GREB1: variants seen among roughly 807,000 people sequenced by gnomAD.
The protein encoded by GREB1 is protein GREB1.
GREB1 carries 106 observed loss-of-function variants against 200.7 expected under a neutral mutation model. That is an observed-to-expected ratio of 0.53 (90% confidence interval 0.45 to 0.62). GREB1 has a LOEUF of 0.62. Among genes scored for constraint, GREB1 ranks in the 20% least tolerant of loss-of-function variants. The probability of loss-of-function intolerance (pLI) is 0.00; values close to 1 mark genes in which losing one functional copy is unlikely to be tolerated. For missense variants in GREB1, 2,243 were observed against 2,556.8 expected (o/e 0.88, Z 2.65); for synonymous variants, 1,132 against 1,092.4 (o/e 1.04, Z -0.72).
chr2:11,595,364 A>G lies in GREB1; in HGVS notation c.1810A>G (p.Ser604Gly), dbSNP rs1681115327. Reference protein sequence around the residue: ...GKVDSLGAFFSTLCPEGDIDI... With the variant: ...GKVDSLGAFFGTLCPEGDIDI... ...GGTAGACTCGCTGGGGGCCTTCTTT[A>G]GCACCCTCTGTCCAGGTAGGCTTGT... The change falls in exon 12 of 33, where the codon AGC becomes GGC. Residue 604 changes from serine (S) to glycine (G), a missense_variant. Physicochemically the swap from Ser to Gly is moderately conservative, Grantham distance 56 (BLOSUM62 0). Transcript: ENST00000381486. The G allele has an allele frequency of 1.2e-6, 2 of 1,613,692 alleles. No individual in the cohort carries two copies. The highest frequency in any genetic ancestry group is 4.5e-5 in the East Asian group (2 of 44,850).
At chr2:11,635,203 C>A in intron 29 of GREB1, 67 bp from the exon 30 acceptor site, 2 of 1,589,038 alleles carry the variant, frequency 1.3e-6, no homozygotes, top group Non-Finnish European at 1.7e-6. Flanking sequence ...ACTCTAGGTG[C>A]TGGGGGCAGT....
chr2:11,596,078 CA>C (rs1681180470), intron 12 of GREB1, 32 bp from the exon 13 acceptor site: 10 of 1,597,418 alleles, frequency 6.3e-6, no homozygotes, highest in Admixed American at 1.7e-5. Flanking sequence ...TCACTGACAT[CA>C]AAAACCCATT....
chr2:11,604,206 T>A (rs539288799), intron 17 of GREB1, among the ~76,000 whole-genome samples: 25 of 152,236 alleles, frequency 1.6e-4, no homozygotes, highest in Admixed American at 8.5e-4. Flanking sequence ...CATGAGCTAA[T>A]GTACGTGTGC....
intron 1 of GREB1, among the ~76,000 whole-genome samples, chr2:11,517,911 C>T (rs1314950411): frequency 6.6e-6 from 1 of 152,170 alleles, no homozygotes; most frequent in Non-Finnish European, 1.5e-5. Context: ...CCTTGGCCTC[C>T]CAAAGTGCTG....
intron 4 of GREB1, among the ~76,000 whole-genome samples, chr2:11,575,488 A>G (rs1399772304): frequency 6.6e-6 from 1 of 152,218 alleles, no homozygotes; most frequent in Admixed American, 6.5e-5. Context: ...AAGCCTGCTT[A>G]GAGTCTCACA....
In GREB1 at chr2:11,576,390, C is replaced by T. The variant is rs1678860951; in HGVS notation, c.492C>T (p.Gly164=). The T allele has an allele frequency of 6.2e-7, 1 of 1,613,842 alleles. No homozygotes were observed. Among genetic ancestry groups the T allele is most frequent in the African/African-American group, 1.3e-5 (1 of 75,026 alleles). Residue 164 remains glycine, a synonymous_variant, in exon 5 of 33, where the codon GGC becomes GGT. Transcript: ENST00000381486. ...ATTGTGTTGGCTGTGGAAAGAAAGG[C>T]TTCTGTTACTTCACGGAATTCTCCA... ...SGNCVGCGKK[G]FCYFTEFSNH...
At chr2:11,623,182 C>T (rs1031701606) in intron 23 of GREB1, among the ~76,000 whole-genome samples, 4 of 152,138 alleles carry the variant, frequency 2.6e-5, no homozygotes, top group Non-Finnish European at 2.9e-5. Context: ...TCGTAGTCAT[C>T]GGAATTTGTG....
Position 11,541,369 on chromosome 2 carries a change from G to C in GREB1, c.-162+7115G>C, listed in dbSNP as rs965664462. 3.3e-5 allele frequency among the ~76,000 whole-genome samples: 5 copies of C among 152,092 alleles called. No individual in the cohort carries two copies. In the East Asian group the frequency reaches 9.6e-4, roughly 29 times the overall value. On this transcript the variant is annotated intron_variant, in intron 1 of 32. Transcript: ENST00000381486. ...CTCTGCCATGGATCCTTCTGGAGGA[G>C]AGGGTATCACACCGCTTGAGGCTCT...
In GREB1 at chr2:11,551,166, A is replaced by C. The variant is rs190397212; in HGVS notation, c.-161-5288A>C. ...TCAAGCCCATGGTGCTTCTGGGATC[A>C]GAAGGGCCAGTGGAAGTTAGGTACT... On this transcript the variant is annotated intron_variant, in intron 1 of 32. Coordinates refer to ENST00000381486, the MANE Select transcript of GREB1 (RefSeq NM_014668.4). Among the ~76,000 whole-genome samples, 152 of 152,312 alleles carry C rather than the reference A, an allele frequency of 1.0e-3. 1 individual carries two copies. Among genetic ancestry groups the C allele is most frequent in the African/African-American group, 3.4e-3 (143 of 41,580 alleles).
chr2:11,617,084 A>G (rs1434350566), intron 21 of GREB1, among the ~76,000 whole-genome samples: 1 of 152,066 alleles, frequency 6.6e-6, no homozygotes, highest in Non-Finnish European at 1.5e-5. Context: ...CCCTGTGGGG[A>G]GAGGAGCTGA....
chr2:11,615,832 G>A (rs993379015), intron 20 of GREB1, among the ~76,000 whole-genome samples: 1 of 152,212 alleles, frequency 6.6e-6, no homozygotes, highest in Non-Finnish European at 1.5e-5. Flanking sequence ...ACAATGTGAT[G>A]AGAAAGACGT....
chr2:11,585,912 A>G lies in GREB1; in HGVS notation c.1159+7A>G. The stretch of plus-strand genomic sequence containing the variant: ...AAGCCAGTGATATTTAAAGGCAAGT[A>G]CAGCAGTGCACCGAGTCGTGGGGAT... On this transcript the variant is annotated splice_region_variant and intron_variant, in intron 9 of 32. Coordinates refer to ENST00000381486, the MANE Select transcript of GREB1 (RefSeq NM_014668.4). 6.2e-7 allele frequency: 1 copy of G among 1,612,040 alleles called. No homozygotes were observed. Among genetic ancestry groups the G allele is most frequent in the Non-Finnish European group, 8.5e-7 (1 of 1,179,784 alleles).
rs752977615 is a variant in GREB1, at chr2:11,578,363, C to T, written c.704C>T (p.Thr235Met). Residue 235 changes from threonine (T) to methionine (M), a missense_variant, in exon 6 of 33, where the codon ACG (threonine) becomes ATG (methionine). Around this residue, in one of 3 missense-constraint regions of GREB1, gnomAD observed 1,178 missense variants for 1,387.4 expected, o/e 0.85. Transcript: ENST00000381486. The part of the protein sequence containing the change: ...SSSLFPALES[T>M]AAFPSEPVPG... ...TCCCTCTTCCCAGCCCTGGAGAGCA[C>T]GGCTGCCTTCCCCAGCGAGCCCGTT... 71 of 1,613,930 alleles carry T rather than the reference C, an allele frequency of 4.4e-5. No individual in the cohort carries two copies. Among genetic ancestry groups the T allele is most frequent in the East Asian group, 1.6e-4 (7 of 44,894 alleles).
chr2:11,501,895 G>GTTTGTTT (rs1673049114), intron 1 of GREB1, among the ~76,000 whole-genome samples: 1 of 45,562 alleles, frequency 2.2e-5, no homozygotes, highest in Non-Finnish European at 3.8e-5. Context: ...TGGATTTCCT[G>GTTTGTTT]TTTTTTTTTG....
intron 2 of GREB1, among the ~76,000 whole-genome samples, chr2:11,557,906 C>T (rs926683136): frequency 6.6e-6 from 1 of 152,080 alleles, no homozygotes; most frequent in Non-Finnish European, 1.5e-5. Context: ...CGAGAAATGG[C>T]TGGAAAGTAT....
At position 11,556,703 on chromosome 2, in the gene GREB1, A is replaced by G; in HGVS notation, c.89A>G (p.Asn30Ser). 1.9e-6 allele frequency: 3 copies of G among 1,614,060 alleles called. No individual in the cohort carries two copies. Among genetic ancestry groups the G allele is most frequent in the Non-Finnish European group, 2.5e-6 (3 of 1,179,960 alleles). ...NSIEASLRSN[N>S]LVPRPIFSQL... The stretch of plus-strand genomic sequence containing the variant: ...ATCGAGGCATCCCTGCGGTCCAACA[A>G]CCTGGTGCCCAGGCCCATCTTTTCC... Residue 30 changes from asparagine (N) to serine (S), a missense_variant, in exon 2 of 33, where the codon AAC becomes AGC. Asn to Ser is a conservative substitution (Grantham distance 46). Coordinates refer to ENST00000381486, the MANE Select transcript of GREB1 (RefSeq NM_014668.4).
In GREB1 at chr2:11,580,418, GTGTTTGTGCATGTGTATGTGTGTACA is replaced by G. The variant is rs1679348808; in HGVS notation, c.773-268_773-243del. On this transcript the variant is annotated intron_variant, in intron 6 of 32. Transcript: ENST00000381486. The surrounding 1 kb of genome is among the most constrained non-coding windows in gnomAD (Gnocchi z 4.5). ...CCTGGGAGTGCATGTATATAGGCATGTGTTTGTGCATGTGTATGTGTGTACATGTTTGTGCATGTGTATCCTTGTGT... is the reference window on the plus strand; with the variant it reads ...CCTGGGAGTGCATGTATATAGGCATGTGTTTGTGCATGTGTATCCTTGTGT... Among the ~76,000 whole-genome samples, 1 of 152,188 alleles carries G rather than the reference GTGTTTGTGCATGTGTATGTGTGTACA, an allele frequency of 6.6e-6. No homozygotes were observed. The highest frequency in any genetic ancestry group is 1.5e-5 in the Non-Finnish European group (1 of 68,028).
intron 1 of GREB1, among the ~76,000 whole-genome samples, chr2:11,517,056 C>T (rs2043541): frequency 0.48 from 73,747 of 152,066 alleles, 18,882 homozygotes; most frequent in East Asian, 0.77. Context: ...CTGTCTTTGC[C>T]GCTGTGTCTG....
At chr2:11,596,659 A>G (rs1041400399) in intron 13 of GREB1, among the ~76,000 whole-genome samples, 3 of 21,426 alleles carry the variant, frequency 1.4e-4, no homozygotes, top group African/African-American at 3.8e-4. Context: ...CAGTGAGAGT[A>G]GGTGGGGGCA....
Sources: gnomAD v4.1 joint callset for allele counts (sites outside exome capture counted in the v4.1 genomes callset) on GRCh38, gnomAD v4.1.1 for gene constraint, gnomAD v4.1.1 regional missense constraint, Gnocchi (gnomAD v3.1) non-coding constraint, MANE v1.5 for transcripts, NCBI Gene and HGNC (gene_info 2026-07-23, HGNC 2026-07-21) for gene names.